TRMT1L: variants seen among roughly 807,000 people sequenced by gnomAD.
TRMT1L encodes the protein tRNA methyltransferase 1L.
In TRMT1L, 28 loss-of-function variants were observed where a neutral mutation model predicts 81.6. The ratio of observed to expected loss-of-function variants is 0.34; its 90% confidence interval spans 0.25 to 0.47. The LOEUF (loss-of-function observed/expected upper bound fraction) is 0.47, where lower values mean the gene tolerates loss of function less well. TRMT1L is among the 20% of genes least tolerant of loss of function. The pLI is 1.00. For synonymous variants in TRMT1L, 301 were observed against 303.2 expected (o/e 0.99, Z 0.07); for missense variants, 739 against 877.1 (o/e 0.84, Z 1.99).
At chr1:185,142,346 G>A (rs768366415) in intron 7 of TRMT1L, among the ~76,000 whole-genome samples, 3 of 152,168 alleles carry the variant, frequency 2.0e-5, no homozygotes, top group Non-Finnish European at 4.4e-5. Flanking sequence ...ACTTTTCCCT[G>A]AGGAGAGGAG....
At chr1:185,123,119 G>A (rs1041257517) in intron 13 of TRMT1L, among the ~76,000 whole-genome samples, 12 of 152,180 alleles carry the variant, frequency 7.9e-5, no homozygotes, top group Non-Finnish European at 1.6e-4. Flanking sequence ...CAAAGAGTAT[G>A]CAGTAGTTAT....
chr1:185,152,089 G>C (rs538816458), intron 1 of TRMT1L, among the ~76,000 whole-genome samples, 154 bp from the exon 2 acceptor site: 1 of 152,226 alleles, frequency 6.6e-6, no homozygotes, highest in African/African-American at 2.4e-5. Flanking sequence ...AATAACAAGT[G>C]TGCTTTAGAA....
At chr1:185,135,213 C>T (rs1051026725) in intron 10 of TRMT1L, among the ~76,000 whole-genome samples, 7 of 151,698 alleles carry the variant, frequency 4.6e-5, no homozygotes, top group African/African-American at 1.7e-4. Context: ...CTCAGGAGTT[C>T]GTGACCAGCC....
rs377107770 is a variant in TRMT1L, at chr1:185,123,850, T to C, written c.1822+7A>G. ...GTACATATGTACACACATATATGCA[T>C]ACATACCTTGTGCAATGTAATTATC... is the stretch of plus-strand genomic sequence containing the variant. On this transcript the variant is annotated splice_region_variant and intron_variant, in intron 13 of 14. Transcript: ENST00000367506. 2.0e-5 allele frequency: 30 copies of C among 1,497,118 alleles called. No individual in the cohort carries two copies. Among genetic ancestry groups the C allele is most frequent in the East Asian group, 1.8e-4 (7 of 39,524 alleles). 92.7% of individuals were successfully genotyped at this position (1,497,118 alleles called of 1,614,324 possible). A position where few individuals can be genotyped will look rare whatever the true frequency, so the allele number is the denominator to read the frequency against.
intron 1 of TRMT1L, 122 bp downstream of exon 1, chr1:185,156,356 C>A (rs1028868793): frequency 7.5e-6 from 12 of 1,606,684 alleles, no homozygotes; most frequent in Admixed American, 1.7e-5. Flanking sequence ...CTTTCCTCCC[C>A]ACCATTTTCC....
At chr1:185,153,733 G>C (rs1008393439) in intron 1 of TRMT1L, among the ~76,000 whole-genome samples, 1 of 151,952 alleles carries the variant, frequency 6.6e-6, no homozygotes, top group Non-Finnish European at 1.5e-5. Context: ...TACAAAGTGG[G>C]GACTGAATAT....
At chr1:185,149,241 A>T (rs1481534874) in intron 3 of TRMT1L, among the ~76,000 whole-genome samples, 2 of 151,886 alleles carry the variant, frequency 1.3e-5, no homozygotes, top group Non-Finnish European at 2.9e-5. Flanking sequence ...TTTTGTTACT[A>T]AGTAAATATT....
chr1:185,135,839 A>C (rs1652887081), intron 10 of TRMT1L, among the ~76,000 whole-genome samples: 1 of 152,152 alleles, frequency 6.6e-6, no homozygotes, highest in Non-Finnish European at 1.5e-5. Context: ...AAAATCCTTT[A>C]AAAATTAGCA....
At chr1:185,138,843 G>A (rs1476793545) in intron 9 of TRMT1L, among the ~76,000 whole-genome samples, 3 of 152,206 alleles carry the variant, frequency 2.0e-5, no homozygotes, top group African/African-American at 7.2e-5. Flanking sequence ...CTGGAGTGCA[G>A]TGGAGCAACC....
rs190950956 is a variant in TRMT1L, at chr1:185,128,176, G to T, written c.1592+493C>A. On this transcript the variant is annotated intron_variant, in intron 11 of 14. Coordinates refer to ENST00000367506, the MANE Select transcript of TRMT1L (RefSeq NM_030934.5). Reference sequence around the variant, plus strand: ...TAAGGTACAATCAGCTGTTACCAATGATGCAAAAGCATATACACATTAAAT... The same window carrying T: ...TAAGGTACAATCAGCTGTTACCAATTATGCAAAAGCATATACACATTAAAT... Among the ~76,000 whole-genome samples, 286 of 152,250 alleles carry T rather than the reference G, an allele frequency of 1.9e-3. 1 individual carries two copies. Among genetic ancestry groups the T allele is most frequent in the African/African-American group, 6.7e-3 (280 of 41,550 alleles).
intron 13 of TRMT1L, among the ~76,000 whole-genome samples, chr1:185,122,866 G>A (rs952678904): frequency 5.9e-5 from 9 of 151,724 alleles, no homozygotes; most frequent in Admixed American, 2.0e-4. Context: ...TGTGTTTTTC[G>A]TAGAGACGGG....
At position 185,150,419 on chromosome 1, in the gene TRMT1L, G is replaced by A. The variant is rs1204073674; in HGVS notation, c.420C>T (p.His140=). 2.5e-6 allele frequency: 4 copies of A among 1,613,684 alleles called. No individual in the cohort carries two copies. The highest frequency in any genetic ancestry group is 3.4e-6 in the Non-Finnish European group (4 of 1,179,846). Residue 140 remains histidine (H), a synonymous_variant, in exon 3 of 15, where the codon CAC becomes CAT. Transcript: ENST00000367506. Reference sequence around the variant, plus strand: ...AGACTTTCCAGTGTAAATTCTGGAGGTGACGACGAAGCTTATGGCTATTAC... The same window carrying A: ...AGACTTTCCAGTGTAAATTCTGGAGATGACGACGAAGCTTATGGCTATTAC... The part of the protein sequence containing the change: ...RACNSHKLRR[H]LQNLHWKVSV...
chr1:185,128,235 C>A (rs1652682827), intron 11 of TRMT1L, among the ~76,000 whole-genome samples: 2 of 152,196 alleles, frequency 1.3e-5, no homozygotes, highest in Non-Finnish European at 2.9e-5. Flanking sequence ...ATAACTTTAT[C>A]TAAAACAAAG....
chr1:185,151,716 A>C, intron 2 of TRMT1L, 109 bp downstream of exon 2: 1 of 659,676 alleles, frequency 1.5e-6, no homozygotes, highest in East Asian at 3.1e-5. Context: ...CCACTGTTCT[A>C]GTTCAGTAAG....
chr1:185,140,902 C>T (rs1038787885), intron 7 of TRMT1L, among the ~76,000 whole-genome samples: 1 of 149,598 alleles, frequency 6.7e-6, no homozygotes, highest in Non-Finnish European at 1.5e-5. Context: ...GGATCACCTC[C>T]TAGAGGTCCA....
Position 185,128,737 on chromosome 1 carries a change from A to G in TRMT1L, c.1524T>C (p.Tyr508=), listed in dbSNP as rs1200768602. ...KDGNMVEENP[Y]RQLPCNCHGS... ...CATGACAGTTACAAGGCAGCTGTCT[A>G]TATGGGTTTTCTGTAAAAAGATAAT... The change falls in exon 11 of 15, where the codon TAT becomes TAC. Residue 508 remains tyrosine, a synonymous_variant. Coordinates refer to ENST00000367506, the MANE Select transcript of TRMT1L (RefSeq NM_030934.5). 5 of 1,603,574 alleles carry G rather than the reference A, an allele frequency of 3.1e-6. No individual in the cohort carries two copies. The highest frequency in any genetic ancestry group is 4.2e-6 in the Non-Finnish European group (5 of 1,177,586).
At chr1:185,153,190 A>G (rs1430089315) in intron 1 of TRMT1L, among the ~76,000 whole-genome samples, 1 of 152,170 alleles carries the variant, frequency 6.6e-6, no homozygotes, top group African/African-American at 2.4e-5. Flanking sequence ...CAAGCATTAC[A>G]CACTCTTCAA....
At chr1:185,135,402 T>C (rs61495015) in intron 10 of TRMT1L, among the ~76,000 whole-genome samples, 14,726 of 141,088 alleles carry the variant, frequency 0.1, 947 homozygotes, top group East Asian at 0.26. Context: ...GGTGACAGAA[T>C]GAGACTCCGT....
At chr1:185,144,102 C>A (rs1653122763) in intron 5 of TRMT1L, 73 bp from the exon 6 acceptor site, 10 of 1,369,848 alleles carry the variant, frequency 7.3e-6, no homozygotes, top group Middle Eastern at 2.0e-4. Flanking sequence ...CAAGAAAACA[C>A]AAAATAATTG....
Sources: gnomAD v4.1 joint callset for allele counts (sites outside exome capture counted in the v4.1 genomes callset) on GRCh38, gnomAD v4.1.1 for gene constraint, MANE v1.5 for transcripts, NCBI Gene and HGNC (gene_info 2026-07-23, HGNC 2026-07-21) for gene names.